Variants in NTN1 observed in about 807,000 individuals in gnomAD.
NTN1 encodes the protein netrin-1.
NTN1 carries 11 observed loss-of-function variants against 54.2 expected under a neutral mutation model. The ratio of observed to expected loss-of-function variants is 0.20; its 90% confidence interval spans 0.13 to 0.34. The LOEUF is 0.34. Ranked by LOEUF, NTN1 falls within the 10% of genes least tolerant of loss-of-function variation. The probability of loss-of-function intolerance (pLI) is 1.00; values close to 1 mark genes in which losing one functional copy is unlikely to be tolerated. For missense variants in NTN1, 740 were observed against 893.1 expected, an observed-to-expected ratio of 0.83 and a Z score of 2.18; for synonymous variants, 371 against 382.0, an observed-to-expected ratio of 0.97 and a Z score of 0.33.
chr17:9,173,044 A>C (rs1053806060), intron 3 of NTN1, among the ~76,000 whole-genome samples: 5 of 152,064 alleles, frequency 3.3e-5, no homozygotes, highest in African/African-American at 1.2e-4. Context: ...GCTCTCTGAC[A>C]CTGCGTCTTT....
intron 2 of NTN1, among the ~76,000 whole-genome samples, chr17:9,063,329 C>T (rs529436779): frequency 3.3e-5 from 5 of 152,270 alleles, no homozygotes; most frequent in African/African-American, 1.2e-4. Flanking sequence ...AACTCCTGGC[C>T]TCAGGGAATC....
At chr17:9,035,566 C>G (rs2091901006) in intron 2 of NTN1, among the ~76,000 whole-genome samples, 1 of 152,172 alleles carries the variant, frequency 6.6e-6, no homozygotes, top group African/African-American at 2.4e-5. Context: ...GTTTGGGCAT[C>G]TGTTCAATTT....
chr17:9,004,655 G>C, the NTN1 span, among the ~76,000 whole-genome samples: 1 of 152,238 alleles, frequency 6.6e-6, no homozygotes, highest in South Asian at 2.1e-4. Context: ...CTTCAGCCAG[G>C]CTGTGGCGCC....
At chr17:9,177,869 G>C (rs1482249267) in intron 3 of NTN1, 1 of 152,196 alleles carries the variant, frequency 6.6e-6, no homozygotes, top group East Asian at 1.9e-4. Flanking sequence ...TTGAATTTAG[G>C]GTACATCTAA....
chr17:9,232,763 C>T (rs1905856814), intron 6 of NTN1, among the ~76,000 whole-genome samples: 1 of 152,110 alleles, frequency 6.6e-6, no homozygotes, highest in Non-Finnish European at 1.5e-5. Context: ...GTGGCGGCCC[C>T]CTCTCCCACA....
intron 2 of NTN1, among the ~76,000 whole-genome samples, chr17:9,096,775 C>G (rs2092133566): frequency 6.6e-6 from 1 of 152,160 alleles, no homozygotes; most frequent in African/African-American, 2.4e-5. Flanking sequence ...ACAATTCTAA[C>G]TAGTAGGGAT....
intron 5 of NTN1, among the ~76,000 whole-genome samples, chr17:9,208,424 G>A (rs1489229051): frequency 6.6e-6 from 1 of 152,200 alleles, no homozygotes. Flanking sequence ...GTATGTGCCA[G>A]TGGGTTCGCT....
intron 6 of NTN1, among the ~76,000 whole-genome samples, chr17:9,228,329 A>G (rs1218877055): frequency 6.6e-5 from 10 of 152,186 alleles, no homozygotes; most frequent in Non-Finnish European, 1.5e-4. Context: ...AGCACGAGGA[A>G]ACGGGAGAAG....
chr17:9,221,106 C>T lies in NTN1; in HGVS notation c.1412-62C>T. 8.2e-7 allele frequency: 1 copy of T among 1,214,222 alleles called. No homozygotes were observed. Among genetic ancestry groups the T allele is most frequent in the Non-Finnish European group, 1.2e-6 (1 of 816,228 alleles). The allele number at this position is 1,214,222 out of a possible 1,614,324, so 75.2% of individuals were successfully genotyped here. A position where few individuals can be genotyped will look rare whatever the true frequency, so the allele number is the denominator to read the frequency against. On this transcript the variant is annotated intron_variant, in intron 5 of 6. Coordinates refer to ENST00000173229, the MANE Select transcript of NTN1 (RefSeq NM_004822.3). The surrounding 1 kb of genome is among the most constrained non-coding windows in gnomAD (Gnocchi z 4.5). ...GGGAGGCGGCCTCCTACTCTGCCCG[C>T]CAGCCTATTCATCGCCAGCCTAATT...
chr17:9,164,445 C>T (rs1337782207), intron 3 of NTN1, among the ~76,000 whole-genome samples: 1 of 149,684 alleles, frequency 6.7e-6, no homozygotes, highest in African/African-American at 2.5e-5. Flanking sequence ...AAAGAAAGAA[C>T]ATCTTGGGGG....
At chr17:9,059,917 A>T (rs1306795057) in intron 2 of NTN1, among the ~76,000 whole-genome samples, 2 of 151,680 alleles carry the variant, frequency 1.3e-5, no homozygotes, top group East Asian at 3.9e-4. Context: ...CTAAGTGAGC[A>T]TGTTTCGGAG....
the NTN1 span, among the ~76,000 whole-genome samples, chr17:9,006,650 G>A: frequency 1.3e-5 from 2 of 152,234 alleles, no homozygotes; most frequent in African/African-American, 4.8e-5. Flanking sequence ...GATGGGAAAT[G>A]AAGGTTCATG....
At chr17:9,088,661 A>T (rs2092098020) in intron 2 of NTN1, among the ~76,000 whole-genome samples, 1 of 152,172 alleles carries the variant, frequency 6.6e-6, no homozygotes. Flanking sequence ...CACATGCCAC[A>T]GATGGAGGAT....
chr17:9,163,146 TGACA>T, intron 3 of NTN1, 145 bp downstream of exon 3: 1 of 630,916 alleles, frequency 1.6e-6, no homozygotes, highest in Non-Finnish European at 2.5e-6. Context: ...TCTCTCTCTG[TGACA>T]CACACACACA....
At chr17:9,178,944 G>C (rs1046055687) in intron 3 of NTN1, 1 of 152,216 alleles carries the variant, frequency 6.6e-6, no homozygotes, top group Non-Finnish European at 1.5e-5. Flanking sequence ...TTGGCTTCTT[G>C]GGACACAGCG....
At chr17:9,202,205 A>C (rs1370594533) in intron 5 of NTN1, among the ~76,000 whole-genome samples, 1 of 151,888 alleles carries the variant, frequency 6.6e-6, no homozygotes, top group Non-Finnish European at 1.5e-5. Context: ...CGCACCATTG[A>C]ACTCCAGCCT....
intron 5 of NTN1, among the ~76,000 whole-genome samples, chr17:9,208,563 C>G (rs1905025698): frequency 6.6e-6 from 1 of 152,112 alleles, no homozygotes; most frequent in South Asian, 2.1e-4. Flanking sequence ...TTTCTTGTGC[C>G]TGGGGCTGAG....
At chr17:9,171,586 C>G (rs939947283) in intron 3 of NTN1, 2 of 152,256 alleles carry the variant, frequency 1.3e-5, no homozygotes, top group African/African-American at 2.4e-5. Context: ...GAGAGAGTAA[C>G]TGGGCAAGCT....
rs1184721728 is a variant in NTN1 at position 9,204,944 on chromosome 17, GA to G, written c.1412-16222del. On this transcript the variant is annotated intron_variant, in intron 5 of 6. Transcript: ENST00000173229. ...TCAACCCTCATTTTTTTTTTTTTCTGAAGATATGTTGCTCATTATCAGGCCT... is the reference window on the plus strand; with the variant it reads ...TCAACCCTCATTTTTTTTTTTTTCTGAGATATGTTGCTCATTATCAGGCCT... Among the ~76,000 whole-genome samples, 5 of 133,468 alleles carry G rather than the reference GA, an allele frequency of 3.7e-5. No homozygotes were observed. In the East Asian group the frequency reaches 1.0e-3, roughly 28 times the overall value. The allele number at this position is 133,468 out of a possible 152,430, so 87.6% of individuals were successfully genotyped here. A position where few individuals can be genotyped will look rare whatever the true frequency, so the allele number is the denominator to read the frequency against.
Sources: allele counts gnomAD v4.1 joint callset (sites outside exome capture counted in the v4.1 genomes callset), GRCh38; gene constraint gnomAD v4.1.1; non-coding constraint Gnocchi (gnomAD v3.1); transcripts MANE v1.5; gene names NCBI Gene and HGNC (gene_info 2026-07-23, HGNC 2026-07-21).